Variants in FARSB observed in about 807,000 individuals in gnomAD.
FARSB encodes phenylalanyl-tRNA synthetase subunit beta, also known as phenylalanine--tRNA ligase beta subunit.
FARSB carries 40 observed loss-of-function variants against 69.6 expected under a neutral mutation model. The ratio of observed to expected loss-of-function variants is 0.57; its 90% CI spans 0.45 to 0.75. The LOEUF (loss-of-function observed/expected upper bound fraction) is 0.75. Among genes scored for constraint, FARSB ranks in the 30% least tolerant of loss-of-function variants. The pLI is 0.00. For synonymous variants in FARSB, 235 were observed against 247.2 expected, an observed-to-expected ratio of 0.95 and a Z score of 0.46; for missense variants, 632 against 722.9, an observed-to-expected ratio of 0.87 and a Z score of 1.44.
chr2:222,634,511 A>C lies in FARSB; in HGVS notation c.486T>G (p.His162Gln), dbSNP rs1691525462. 6.2e-7 allele frequency: 1 copy of C among 1,613,014 alleles called. No homozygotes were observed. Among genetic ancestry groups the C allele is most frequent in the African/African-American group, 1.3e-5 (1 of 74,994 alleles). Residue 162 changes from histidine (H) to glutamine (Q), a missense_variant, in exon 6 of 17, where the codon CAT becomes CAG. By Grantham distance (24) the His-to-Gln change is conservative. Transcript: ENST00000281828. Reference sequence around the variant, plus strand: ...ATGGGCCCGACAAAGTGTCCAAATCATGGGTACCAATGGCAACCAGTGCTC... The same window carrying C: ...ATGGGCCCGACAAAGTGTCCAAATCCTGGGTACCAATGGCAACCAGTGCTC... ...RKRALVAIGT[H>Q]DLDTLSGPFT...
chr2:222,639,774 A>C (rs1182986274), intron 4 of FARSB, 79 bp from the exon 5 acceptor site: 3 of 544,162 alleles, frequency 5.5e-6, no homozygotes, highest in Non-Finnish European at 9.5e-6. Context: ...AGGTAGCTGC[A>C]TTCTTGCCAC....
At chr2:222,612,709 A>T (rs2106208974) in intron 15 of FARSB, among the ~76,000 whole-genome samples, 1 of 152,342 alleles carries the variant, frequency 6.6e-6, no homozygotes, top group East Asian at 1.9e-4. Context: ...GAGTCACTTA[A>T]GGTATTGCTC....
At chr2:222,610,154 T>C (rs1189075086) in intron 15 of FARSB, among the ~76,000 whole-genome samples, 1 of 152,200 alleles carries the variant, frequency 6.6e-6, no homozygotes, top group Non-Finnish European at 1.5e-5. Context: ...TTTCCACCAA[T>C]GTGCTGTGCT....
intron 16 of FARSB, among the ~76,000 whole-genome samples, chr2:222,585,888 T>C (rs1486400057): frequency 4.6e-5 from 7 of 152,202 alleles, no homozygotes; most frequent in African/African-American, 1.4e-4. Context: ...CTACGTTTGA[T>C]TGGTGTACCT....
In FARSB at chr2:222,592,017, G is replaced by A. The variant is rs184666986; in HGVS notation, c.1618+7911C>T. Among the ~76,000 whole-genome samples the A allele has an allele frequency of 1.5e-3, 236 of 152,286 alleles. 1 individual carries two copies. The highest frequency in any genetic ancestry group is 0.014 in the Admixed American group (207 of 15,274). ...AGAAGTTAGCTTGAAACTTGATTCA[G>A]TTTAGAGCTGGATGGCATCTTAATA... On this transcript the variant is annotated intron_variant, in intron 16 of 16. Transcript: ENST00000281828.
At chr2:222,628,264 A>T (rs1691327132) in intron 10 of FARSB, among the ~76,000 whole-genome samples, 1 of 152,176 alleles carries the variant, frequency 6.6e-6, no homozygotes, top group South Asian at 2.1e-4. Flanking sequence ...AATTAACGAC[A>T]ATTTATTGTA....
chr2:222,619,404 C>A (rs1691084054), intron 14 of FARSB, among the ~76,000 whole-genome samples: 2 of 150,420 alleles, frequency 1.3e-5, no homozygotes, highest in Admixed American at 1.3e-4. Context: ...GAGATTGGGC[C>A]AGATAATACA....
intron 15 of FARSB, among the ~76,000 whole-genome samples, chr2:222,613,280 C>T (rs941152443): frequency 4.6e-5 from 7 of 152,138 alleles, no homozygotes; most frequent in African/African-American, 1.7e-4. Flanking sequence ...AGTAGTTGGG[C>T]GCCAGTGGCT....
intron 5 of FARSB, 108 bp downstream of exon 5, chr2:222,639,472 G>A: frequency 2.2e-6 from 1 of 456,404 alleles, no homozygotes; most frequent in Non-Finnish European, 4.0e-6. Flanking sequence ...GAGAGAGAAA[G>A]AAGGCAGAAG....
intron 6 of FARSB, among the ~76,000 whole-genome samples, chr2:222,634,062 T>C (rs1691512718): frequency 6.6e-6 from 1 of 152,216 alleles, no homozygotes; most frequent in South Asian, 2.1e-4. Flanking sequence ...TGTAACAGTA[T>C]TTCCCACAAA....
chr2:222,606,513 G>A (rs1255277217), intron 15 of FARSB, among the ~76,000 whole-genome samples: 1 of 152,156 alleles, frequency 6.6e-6, no homozygotes, highest in East Asian at 1.9e-4. Context: ...AAATGGGCCT[G>A]GCAAGTATGT....
intron 15 of FARSB, among the ~76,000 whole-genome samples, chr2:222,602,502 G>T (rs1398618318): frequency 6.6e-6 from 1 of 151,344 alleles, no homozygotes; most frequent in African/African-American, 2.4e-5. Context: ...TCATACAGAT[G>T]AGTGGAACAG....
chr2:222,582,454 G>A (rs1689993205), intron 16 of FARSB, among the ~76,000 whole-genome samples: 1 of 152,174 alleles, frequency 6.6e-6, no homozygotes, highest in Non-Finnish European at 1.5e-5. Context: ...ATAGAGGCAG[G>A]GAGGGAACGG....
rs1689675097 is a variant in FARSB at position 222,569,038 on chromosome 2, G to C, written c.*2833C>G. 6.6e-6 allele frequency: 1 copy of C among 152,144 alleles called. No homozygotes were observed. Among genetic ancestry groups the C allele is most frequent in the South Asian group, 2.1e-4 (1 of 4,824 alleles). The allele number at this position is 152,144 out of a possible 1,614,324, so 9.4% of individuals were successfully genotyped here. ...TTGGCAGTACTCACAGACTGCCCTGGCTCCAGTTCAAATGCTTCACCAGGG... is the reference window on the plus strand; with the variant it reads ...TTGGCAGTACTCACAGACTGCCCTGCCTCCAGTTCAAATGCTTCACCAGGG... On this transcript the variant is annotated 3_prime_UTR_variant, in exon 17 of 17. Transcript: ENST00000281828.
rs534168718 is a variant in FARSB at position 222,607,885 on chromosome 2, C to T, written c.1462+5926G>A. Among the ~76,000 whole-genome samples the T allele has an allele frequency of 3.3e-5, 5 of 151,722 alleles. No individual in the cohort carries two copies. The East Asian group carries it at 7.7e-4, about 23-fold the overall frequency. ...GAGGAAAAATCTATGACCTTCTCAACGCATGAAGGAAAAAGTACGTCCTTG... is the reference window on the plus strand; with the variant it reads ...GAGGAAAAATCTATGACCTTCTCAATGCATGAAGGAAAAAGTACGTCCTTG... On this transcript the variant is annotated intron_variant, in intron 15 of 16. Transcript: ENST00000281828.
At position 222,643,503 on chromosome 2, in the gene FARSB, C is replaced by A. The variant is rs186712876; in HGVS notation, c.115-498G>T. ...AAGCTAAAAGAAAATTAAAACATCA[C>A]CAAGAACATAAAGTAACAACAACAA... is the stretch of plus-strand genomic sequence containing the variant. On this transcript the variant is annotated intron_variant, in intron 2 of 16. Transcript: ENST00000281828. Among the ~76,000 whole-genome samples the A allele has an allele frequency of 5.3e-5, 8 of 152,072 alleles. No homozygotes were observed. The East Asian group carries it at 1.4e-3, about 26-fold the overall frequency.
intron 16 of FARSB, among the ~76,000 whole-genome samples, chr2:222,587,108 T>G (rs1296518496): frequency 6.6e-6 from 1 of 152,204 alleles, no homozygotes; most frequent in Non-Finnish European, 1.5e-5. Context: ...TAGTTGGAAG[T>G]AAAGCACTCC....
At chr2:222,587,518 T>C (rs1249087601) in intron 16 of FARSB, among the ~76,000 whole-genome samples, 1 of 152,012 alleles carries the variant, frequency 6.6e-6, no homozygotes, top group African/African-American at 2.4e-5. Context: ...AGAGCAGAAC[T>C]GAAGGAGCTA....
At chr2:222,589,666 A>G (rs1278723589) in intron 16 of FARSB, among the ~76,000 whole-genome samples, 3 of 152,204 alleles carry the variant, frequency 2.0e-5, no homozygotes, top group African/African-American at 7.2e-5. Flanking sequence ...CAAATTTACA[A>G]GAAAAAATCA....
Sources: allele counts gnomAD v4.1 joint callset (sites outside exome capture counted in the v4.1 genomes callset), GRCh38; gene constraint gnomAD v4.1.1; transcripts MANE v1.5; gene names NCBI Gene and HGNC (gene_info 2026-07-23, HGNC 2026-07-21).